Variants in CABIN1 observed in about 807,000 individuals in gnomAD.
The protein encoded by CABIN1 is calcineurin-binding protein cabin-1.
CABIN1 carries 133 observed loss-of-function variants against 227.7 expected under a neutral mutation model. The ratio of observed to expected loss-of-function variants is 0.58; its 90% CI spans 0.51 to 0.67. CABIN1 has a LOEUF of 0.67. CABIN1 is among the 30% of genes least tolerant of loss of function. The pLI is 0.00. For synonymous variants in CABIN1, 1,086 were observed against 1,155.1 expected, an observed-to-expected ratio of 0.94 and a Z score of 1.21; for missense variants, 2,408 against 2,852.5, an observed-to-expected ratio of 0.84 and a Z score of 3.55.
intron 16 of CABIN1, 71 bp downstream of exon 16, chr22:24,067,252 AG>A: frequency 6.7e-7 from 1 of 1,501,850 alleles, no homozygotes; most frequent in Non-Finnish European, 9.2e-7. Flanking sequence ...TATTCTCTGG[AG>A]GTTCTGCGGT....
chr22:24,092,170 C>T (rs554160884), intron 24 of CABIN1, among the ~76,000 whole-genome samples: 99 of 152,272 alleles, frequency 6.5e-4, no homozygotes, highest in African/African-American at 2.3e-3. Flanking sequence ...AGGACATTCA[C>T]ACCCTGTAGC....
chr22:24,035,603 T>C, intron 2 of CABIN1, 83 bp downstream of exon 2: 1 of 1,553,320 alleles, frequency 6.4e-7, no homozygotes, highest in Non-Finnish European at 8.9e-7. Flanking sequence ...ATTTTCCTGT[T>C]AGATTCTGAA....
chr22:24,161,107 T>C (rs2046127185), intron 29 of CABIN1, among the ~76,000 whole-genome samples: 1 of 152,190 alleles, frequency 6.6e-6, no homozygotes, highest in Non-Finnish European at 1.5e-5. Flanking sequence ...GCTTAGAGTC[T>C]GGGGCTTCAT....
In CABIN1 at chr22:24,177,525, C is replaced by T. The variant is rs2047183762; in HGVS notation, c.6227C>T (p.Pro2076Leu). Residue 2076 changes from proline (P) to leucine (L), a missense_variant, in exon 36 of 37, where the codon CCG becomes CTG. Physicochemically the swap from Pro to Leu is moderately conservative, Grantham distance 98. This residue lies in a region of CABIN1 where 714 missense variants were observed against 773.8 expected (regional missense o/e 0.92). Coordinates refer to ENST00000263119, the MANE Select transcript of CABIN1 (RefSeq NM_012295.4). This position sits in a 1 kb window ranked among gnomAD's most constrained non-coding sequence, Gnocchi z 4.4. The part of the protein sequence containing the change: ...CSQEGKLRPE[P>L]RRDGEAQEAA... The stretch of plus-strand genomic sequence containing the variant: ...CCAGAGGGGAAACTGAGGCCTGAGC[C>T]GAGAAGGGATGGGGAGGCTCAGGAG... The T allele has an allele frequency of 3.9e-6, 6 of 1,543,970 alleles. No individual in the cohort carries two copies. The highest frequency in any genetic ancestry group is 2.3e-5 in the East Asian group (1 of 43,984).
At chr22:24,022,314 C>A (rs2035781275) in intron 1 of CABIN1, among the ~76,000 whole-genome samples, 1 of 152,150 alleles carries the variant, frequency 6.6e-6, no homozygotes, top group Non-Finnish European at 1.5e-5. Flanking sequence ...TGTTCTCCAT[C>A]ACTATAGTTT....
At chr22:24,061,915 C>T in intron 12 of CABIN1, 32 bp from the exon 13 acceptor site, 6 of 1,553,768 alleles carry the variant, frequency 3.9e-6, no homozygotes, top group Non-Finnish European at 5.3e-6. Context: ...CTTTGTGATA[C>T]TGTTCTTGAC....
At chr22:24,135,443 T>C (rs554339847) in intron 29 of CABIN1, among the ~76,000 whole-genome samples, 1 of 152,138 alleles carries the variant, frequency 6.6e-6, no homozygotes, top group East Asian at 1.9e-4. Context: ...TCAGCCCTGA[T>C]ATTGCGTGTC....
intron 18 of CABIN1, among the ~76,000 whole-genome samples, chr22:24,073,996 A>G (rs1031047450): frequency 1.1e-4 from 14 of 122,784 alleles, no homozygotes; most frequent in African/African-American, 4.2e-4. Flanking sequence ...CACCTCATTC[A>G]TGCCTTTTTG....
chr22:24,043,682 G>C (rs1475158738), intron 6 of CABIN1, among the ~76,000 whole-genome samples: 1 of 152,166 alleles, frequency 6.6e-6, no homozygotes, highest in Admixed American at 6.5e-5. Flanking sequence ...AGTCTGGGAG[G>C]TCGAGGCTGC....
chr22:24,177,728 T>A lies in CABIN1; in HGVS notation c.6430T>A (p.Phe2144Ile), dbSNP rs1411629687. 1.2e-6 allele frequency: 2 copies of A among 1,612,520 alleles called. No individual in the cohort carries two copies. The highest frequency in any genetic ancestry group is 8.5e-7 in the Non-Finnish European group (1 of 1,178,956). ...KLVIPSAATK[F>I]PPEITVTPPT... Reference sequence around the variant, plus strand: ...GGTCATCCCCTCCGCCGCCACCAAGTTCCCCCCTGAGATCACCGTCACGCC... The same window carrying A: ...GGTCATCCCCTCCGCCGCCACCAAGATCCCCCCTGAGATCACCGTCACGCC... The change falls in exon 36 of 37, where the codon TTC becomes ATC. Residue 2144 changes from phenylalanine to isoleucine, a missense_variant. By Grantham distance (21) the Phe-to-Ile change is conservative. Coordinates refer to ENST00000263119, the MANE Select transcript of CABIN1 (RefSeq NM_012295.4). This position sits in a 1 kb window ranked among gnomAD's most constrained non-coding sequence, Gnocchi z 4.4.
intron 26 of CABIN1, among the ~76,000 whole-genome samples, chr22:24,106,096 A>G (rs1159771805): frequency 6.6e-6 from 1 of 152,194 alleles, no homozygotes; most frequent in Non-Finnish European, 1.5e-5. Context: ...GCAGCATGAG[A>G]GTGGTGCATT....
At chr22:24,092,004 T>A in intron 24 of CABIN1, 161 bp downstream of exon 24, 1 of 788,928 alleles carries the variant, frequency 1.3e-6, no homozygotes, top group Non-Finnish European at 2.0e-6. Flanking sequence ...AAACATCATT[T>A]CCTCTCTTTT....
At chr22:24,013,046 A>G (rs913431120) in intron 1 of CABIN1, among the ~76,000 whole-genome samples, 1 of 148,568 alleles carries the variant, frequency 6.7e-6, no homozygotes, top group African/African-American at 2.5e-5. Context: ...CAGGCGTCAG[A>G]CACCGCGCCC....
At chr22:24,018,886 C>T (rs1005535303) in intron 1 of CABIN1, among the ~76,000 whole-genome samples, 1 of 152,030 alleles carries the variant, frequency 6.6e-6, no homozygotes, top group Non-Finnish European at 1.5e-5. Flanking sequence ...TGAATCCTAT[C>T]CAGGAACAGG....
intron 26 of CABIN1, among the ~76,000 whole-genome samples, chr22:24,099,549 C>T (rs533279147): frequency 1.2e-4 from 19 of 152,336 alleles, no homozygotes; most frequent in African/African-American, 4.3e-4. Context: ...CTCCTCCAAT[C>T]TTCAGTTCTG....
At position 24,072,523 on chromosome 22, in the gene CABIN1, TG is replaced by T. The variant is rs1425556688; in HGVS notation, c.2632+16del. On this transcript the variant is annotated intron_variant, in intron 18 of 36. Coordinates refer to ENST00000263119, the MANE Select transcript of CABIN1 (RefSeq NM_012295.4). ...CCAGCGGAGGAAGGTGCACAGGCAG[TG>T]GGTGCAGTGGGGATGAGCTCTGACT... is the stretch of plus-strand genomic sequence containing the variant. The T allele has an allele frequency of 1.2e-6, 2 of 1,614,040 alleles. No homozygotes were observed. Among genetic ancestry groups the T allele is most frequent in the South Asian group, 2.2e-5 (2 of 91,082 alleles).
At chr22:24,140,312 C>T (rs2148315080) in intron 29 of CABIN1, among the ~76,000 whole-genome samples, 1 of 152,344 alleles carries the variant, frequency 6.6e-6, no homozygotes, top group South Asian at 2.1e-4. Flanking sequence ...GGGCTCAGCA[C>T]TGTGGTTGAA....
At chr22:24,030,407 T>G (rs2036414730) in intron 1 of CABIN1, among the ~76,000 whole-genome samples, 1 of 152,204 alleles carries the variant, frequency 6.6e-6, no homozygotes. Context: ...GGGATGATAA[T>G]GCCTATTTTG....
chr22:24,055,363 G>A (rs2038708719), intron 9 of CABIN1, among the ~76,000 whole-genome samples: 1 of 152,252 alleles, frequency 6.6e-6, no homozygotes, highest in African/African-American at 2.4e-5. Context: ...TTTCAGCTCT[G>A]AAGCCCTGCA....
Sources: allele counts gnomAD v4.1 joint callset (sites outside exome capture counted in the v4.1 genomes callset), GRCh38; gene constraint gnomAD v4.1.1; regional missense constraint gnomAD v4.1.1; non-coding constraint Gnocchi (gnomAD v3.1); transcripts MANE v1.5; gene names NCBI Gene and HGNC (gene_info 2026-07-23, HGNC 2026-07-21).